The following IDH2 variants were observed in gnomAD, a reference collection of about 807,000 sequenced individuals.
IDH2 encodes isocitrate dehydrogenase (NADP(+)) 2.
IDH2 carries 18 observed loss-of-function variants against 50.5 expected under a neutral mutation model. The ratio of observed to expected loss-of-function variants is 0.36; its 90% CI spans 0.25 to 0.53. The LOEUF is 0.53. Among genes scored for constraint, IDH2 ranks in the 20% least tolerant of loss-of-function variants. IDH2 has a pLI of 0.92. For synonymous variants in IDH2, 280 were observed against 239.8 expected (o/e 1.17, Z -1.55); for missense variants, 518 against 610.7 (o/e 0.85, Z 1.60).
chr15:90,085,010 T>A lies in IDH2; in HGVS notation c.1169A>T (p.Asp390Val). ...CTCCCTCCATGCTCACCTGATGAGG[T>A]CTTGGTTCCCATCCAGCTTCCCCCG... ...EHRGKLDGNQ[D>V]LIRFAQMLEK... Residue 390 changes from aspartate to valine, a missense_variant, in exon 9 of 11, where the codon GAC becomes GTC. Asp to Val is a radical substitution (Grantham distance 152, BLOSUM62 -3). Coordinates refer to ENST00000330062, the MANE Select transcript of IDH2 (RefSeq NM_002168.4). This position sits in a 1 kb window ranked among gnomAD's most constrained non-coding sequence, Gnocchi z 5.5. 1 of 1,613,862 alleles carries A rather than the reference T, an allele frequency of 6.2e-7. No homozygotes were observed. The highest frequency in any genetic ancestry group is 1.1e-5 in the South Asian group (1 of 91,072).
At chr15:90,086,492 CAA>C (rs1282888478) in intron 7 of IDH2, among the ~76,000 whole-genome samples, 3 of 152,132 alleles carry the variant, frequency 2.0e-5, no homozygotes, top group Non-Finnish European at 4.4e-5. Flanking sequence ...CTCCTGGGTT[CAA>C]GAGATTCTCC....
At position 90,084,827 on chromosome 15, in the gene IDH2, G is replaced by A. The variant is rs139616710; in HGVS notation, c.1260C>T (p.His420=). The A allele has an allele frequency of 2.4e-5, 39 of 1,613,452 alleles. No individual in the cohort carries two copies. The highest frequency in any genetic ancestry group is 9.3e-5 in the African/African-American group (7 of 74,882). The change falls in exon 10 of 11, where the codon CAC becomes CAT. Residue 420 remains histidine (H), a synonymous_variant. Coordinates refer to ENST00000330062, the MANE Select transcript of IDH2 (RefSeq NM_002168.4). The surrounding 1 kb of genome is among the most constrained non-coding windows in gnomAD (Gnocchi z 5.0). The part of the protein sequence containing the change: ...AMTKDLAGCI[H]GLSNVKLNEH... Reference sequence around the variant, plus strand: ...CCCAGGCCACGCACTTGCTGAGGCCGTGAATGCAGCCCGCCAGGTCCTTGG... The same window carrying A: ...CCCAGGCCACGCACTTGCTGAGGCCATGAATGCAGCCCGCCAGGTCCTTGG...
intron 1 of IDH2, among the ~76,000 whole-genome samples, chr15:90,095,472 TAA>T (rs10622800): frequency 7.0e-6 from 1 of 143,474 alleles, no homozygotes. Context: ...TCAAATTTGT[TAA>T]AAAAAAAAAA....
In IDH2 at chr15:90,100,761, C is replaced by CTACAGTTGCGACTCT; in HGVS notation, c.115+1514_115+1515insAGAGTCGCAACTGTA. Reference sequence around the variant, plus strand: ...TTGCCAGGTAACAAGCTGGCAGAGTCGCAACTGTAGAGTCTGATGTCCAAC... The same window carrying CTACAGTTGCGACTCT: ...TTGCCAGGTAACAAGCTGGCAGAGTCTACAGTTGCGACTCTGCAACTGTAGAGTCTGATGTCCAAC... On this transcript the variant is annotated intron_variant, in intron 1 of 10. Coordinates refer to ENST00000330062, the MANE Select transcript of IDH2 (RefSeq NM_002168.4). The surrounding 1 kb of genome is among the most constrained non-coding windows in gnomAD (Gnocchi z 4.1). 1 of 526,186 alleles carries CTACAGTTGCGACTCT rather than the reference C, an allele frequency of 1.9e-6. No individual in the cohort carries two copies. Among genetic ancestry groups the CTACAGTTGCGACTCT allele is most frequent in the Non-Finnish European group, 2.4e-6 (1 of 410,300 alleles). 32.6% of individuals were successfully genotyped at this position (526,186 alleles called of 1,614,324 possible). A position where few individuals can be genotyped will look rare whatever the true frequency, so the allele number is the denominator to read the frequency against.
At chr15:90,088,063 C>T (rs921593356) in intron 5 of IDH2, among the ~76,000 whole-genome samples, 6 of 152,042 alleles carry the variant, frequency 3.9e-5, no homozygotes, top group Admixed American at 1.3e-4. Context: ...GGCAGGAGTA[C>T]GCCTGGAGCT....
Position 90,085,697 on chromosome 15 carries a change from T to C in IDH2, c.968-310A>G, listed in dbSNP as rs1695346763. ...CAGGGCCCAAGAGGCCACAGAGTCCTGTGGTCCCCCACAGCCTGCCACCCA... is the reference window on the plus strand; with the variant it reads ...CAGGGCCCAAGAGGCCACAGAGTCCCGTGGTCCCCCACAGCCTGCCACCCA... On this transcript the variant is annotated intron_variant, in intron 7 of 10. Coordinates refer to ENST00000330062, the MANE Select transcript of IDH2 (RefSeq NM_002168.4). This position sits in a 1 kb window ranked among gnomAD's most constrained non-coding sequence, Gnocchi z 5.5. 6.6e-6 allele frequency among the ~76,000 whole-genome samples: 1 copy of C among 152,348 alleles called. No individual in the cohort carries two copies.
chr15:90,084,207 A>T lies in IDH2; in HGVS notation c.*59T>A. 2 of 1,450,344 alleles carry T rather than the reference A, an allele frequency of 1.4e-6. No individual in the cohort carries two copies. The highest frequency in any genetic ancestry group is 1.9e-6 in the Non-Finnish European group (2 of 1,039,862). The allele number at this position is 1,450,344 out of a possible 1,614,324, so 89.8% of individuals were successfully genotyped here. A position where few individuals can be genotyped will look rare whatever the true frequency, so the allele number is the denominator to read the frequency against. ...GTGAGGCTCACCCTCTGCCGCGCTC[A>T]GGAGGACCCGCCGGCTCAGCCCTGG... On this transcript the variant is annotated 3_prime_UTR_variant, in exon 11 of 11. Coordinates refer to ENST00000330062, the MANE Select transcript of IDH2 (RefSeq NM_002168.4). The surrounding 1 kb of genome is among the most constrained non-coding windows in gnomAD (Gnocchi z 5.0).
Position 90,084,477 on chromosome 15 carries a change from A to G in IDH2, c.1272-124T>C. 1 of 884,686 alleles carries G rather than the reference A, an allele frequency of 1.1e-6. No homozygotes were observed. The highest frequency in any genetic ancestry group is 2.0e-5 in the Admixed American group (1 of 50,170). 54.8% of individuals were successfully genotyped at this position (884,686 alleles called of 1,614,324 possible). ...ACAGCCATCTCCTGCCACCCAGACT[A>G]CAGGCCAGAGGCCAGCTATAGCCCC... On this transcript the variant is annotated intron_variant, in intron 10 of 10. Transcript: ENST00000330062. The surrounding 1 kb of genome is among the most constrained non-coding windows in gnomAD (Gnocchi z 5.0).
At chr15:90,092,333 CCTTA>C (rs906902290) in intron 1 of IDH2, among the ~76,000 whole-genome samples, 1 of 128,306 alleles carries the variant, frequency 7.8e-6, no homozygotes, top group East Asian at 2.1e-4. Context: ...ATCCATCCAT[CCTTA>C]CTTACTTCCT....
chr15:90,084,741 G>A lies in IDH2; in HGVS notation c.1271+75C>T. Reference sequence around the variant, plus strand: ...CCCTTGCAGCTAAGCTGACTCATGAGGGGGACTTTAGGAGGGGTCCCCTGG... The same window carrying A: ...CCCTTGCAGCTAAGCTGACTCATGAAGGGGACTTTAGGAGGGGTCCCCTGG... On this transcript the variant is annotated intron_variant, in intron 10 of 10. Transcript: ENST00000330062. This position sits in a 1 kb window ranked among gnomAD's most constrained non-coding sequence, Gnocchi z 5.0. 17 of 1,195,942 alleles carry A rather than the reference G, an allele frequency of 1.4e-5. No homozygotes were observed. Among genetic ancestry groups the A allele is most frequent in the Non-Finnish European group, 2.1e-5 (17 of 807,604 alleles). 74.1% of individuals were successfully genotyped at this position (1,195,942 alleles called of 1,614,324 possible).
intron 3 of IDH2, 92 bp from the exon 4 acceptor site, chr15:90,088,839 C>A (rs1050541875): frequency 8.5e-6 from 12 of 1,407,930 alleles, no homozygotes; most frequent in Non-Finnish European, 1.2e-5. Context: ...AGACGGGGGT[C>A]CTAAAATTCT....
chr15:90,101,579 C>T (rs567325375), intron 1 of IDH2, among the ~76,000 whole-genome samples: 1 of 151,042 alleles, frequency 6.6e-6, no homozygotes, highest in East Asian at 2.0e-4. Context: ...CAGGTCTCTG[C>T]GGCGAGTGAG....
In IDH2 at chr15:90,092,670, G is replaced by T. The variant is rs144222407; in HGVS notation, c.116-1026C>A. Among the ~76,000 whole-genome samples, 31 of 152,026 alleles carry T rather than the reference G, an allele frequency of 2.0e-4. No homozygotes were observed. The East Asian group carries it at 6.0e-3, about 29-fold the overall frequency. ...CAGCCCACTGCAACCTCCGCCTCCC[G>T]AGTTCAAGTGATTCTCGGGCCTCAG... On this transcript the variant is annotated intron_variant, in intron 1 of 10. Coordinates refer to ENST00000330062, the MANE Select transcript of IDH2 (RefSeq NM_002168.4).
At position 90,098,539 on chromosome 15, in the gene IDH2, T is replaced by TATGTATGCATGC. The variant is rs1216157149; in HGVS notation, c.115+3736_115+3737insGCATGCATACAT. Among the ~76,000 whole-genome samples the TATGTATGCATGC allele has an allele frequency of 3.9e-4, 58 of 147,122 alleles. No homozygotes were observed. The highest frequency in any genetic ancestry group is 1.1e-3 in the African/African-American group (44 of 39,338). ...GTATGTATGTATGCATGCATGTATG[T>TATGTATGCATGC]ATGTATGTATGTATGTATGTATTGA... is the stretch of plus-strand genomic sequence containing the variant. On this transcript the variant is annotated intron_variant, in intron 1 of 10. Transcript: ENST00000330062. The surrounding 1 kb of genome is among the most constrained non-coding windows in gnomAD (Gnocchi z 5.1).
intron 1 of IDH2, among the ~76,000 whole-genome samples, chr15:90,096,215 G>C (rs1278735455): frequency 6.6e-6 from 1 of 152,098 alleles, no homozygotes; most frequent in Non-Finnish European, 1.5e-5. Flanking sequence ...CAGGAGAATT[G>C]CTTGAACCCA....
At chr15:90,097,632 A>T (rs1231457933) in intron 1 of IDH2, among the ~76,000 whole-genome samples, 4 of 152,118 alleles carry the variant, frequency 2.6e-5, no homozygotes, top group African/African-American at 7.2e-5. Flanking sequence ...ATTCATAGAA[A>T]CAGAAAGTAA....
At chr15:90,101,275 C>A (rs1410282980) in intron 1 of IDH2, among the ~76,000 whole-genome samples, 4 of 152,220 alleles carry the variant, frequency 2.6e-5, no homozygotes, top group Admixed American at 6.5e-5. Flanking sequence ...ACTCTCCTGG[C>A]TCACTGCAAG....
Position 90,090,729 on chromosome 15 carries a change from A to G in IDH2, c.208-85T>C, listed in dbSNP as rs1901013658. ...GGGCAGGATAAGAAGTCTGCAGGCC[A>G]TGGCAGGGGACAGTCAGTCAAAACA... On this transcript the variant is annotated intron_variant, in intron 2 of 10. Coordinates refer to ENST00000330062, the MANE Select transcript of IDH2 (RefSeq NM_002168.4). 2.2e-6 allele frequency: 3 copies of G among 1,391,508 alleles called. No individual in the cohort carries two copies. The South Asian group carries it at 3.5e-5, about 16-fold the overall frequency. The allele number at this position is 1,391,508 out of a possible 1,614,324, so 86.2% of individuals were successfully genotyped here.
intron 1 of IDH2, among the ~76,000 whole-genome samples, chr15:90,101,253 C>A (rs1160202569): frequency 6.6e-6 from 1 of 152,196 alleles, no homozygotes; most frequent in Non-Finnish European, 1.5e-5. Context: ...CGGGCCCCAT[C>A]CCCTCTTCCT....
Sources: gnomAD v4.1 joint callset for allele counts (sites outside exome capture counted in the v4.1 genomes callset) on GRCh38, gnomAD v4.1.1 for gene constraint, Gnocchi (gnomAD v3.1) non-coding constraint, MANE v1.5 for transcripts, NCBI Gene and HGNC (gene_info 2026-07-23, HGNC 2026-07-21) for gene names.